SMR3B: variants seen among roughly 807,000 people sequenced by gnomAD.
SMR3B encodes the protein submaxillary gland androgen-regulated protein 3B.
For synonymous variants in SMR3B, 42 were observed against 36.1 expected (o/e 1.16, Z -0.59); for missense variants, 114 against 99.9 (o/e 1.14, Z -0.60).
intron 2 of SMR3B, 87 bp from the exon 3 acceptor site, chr4:70,389,576 A>G (rs1732723592): frequency 7.3e-7 from 1 of 1,375,106 alleles, no homozygotes; most frequent in South Asian, 1.3e-5. Flanking sequence ...GGGCCATCTC[A>G]GAGTTCTGCT....
intron 1 of SMR3B, 120 bp from the exon 2 acceptor site, chr4:70,384,377 T>G: frequency 6.7e-7 from 1 of 1,494,706 alleles, no homozygotes; most frequent in Non-Finnish European, 9.0e-7. Context: ...ATTAGGCAAA[T>G]TCCCTAAAAA....
chr4:70,383,498 A>AGGT (rs781011801), intron 1 of SMR3B, among the ~76,000 whole-genome samples: 44 of 152,108 alleles, frequency 2.9e-4, no homozygotes, highest in Non-Finnish European at 5.7e-4. Context: ...AAGTTCTTGA[A>AGGT]ACTTCATAAG....
intron 2 of SMR3B, among the ~76,000 whole-genome samples, chr4:70,387,122 G>T (rs559541118): frequency 7.7e-4 from 117 of 152,120 alleles, no homozygotes; most frequent in Non-Finnish European, 1.3e-3. Context: ...TCAAAGTTTC[G>T]CTTTGAAGGA....
Position 70,390,012 on chromosome 4 carries a change from C to A in SMR3B, c.*164C>A. The A allele has an allele frequency of 7.4e-7, 1 of 1,347,154 alleles. No homozygotes were observed. Among genetic ancestry groups the A allele is most frequent in the Non-Finnish European group, 1.1e-6 (1 of 938,492 alleles). 83.5% of individuals were successfully genotyped at this position (1,347,154 alleles called of 1,614,324 possible). ...ACAACTGCAGCAGGTGCCACCACCA[C>A]CACAAAAGACACCACTACCCTTGTA... On this transcript the variant is annotated 3_prime_UTR_variant, in exon 3 of 3. Transcript: ENST00000304915.
chr4:70,389,267 CT>C (rs550584751), intron 2 of SMR3B, among the ~76,000 whole-genome samples: 31 of 152,176 alleles, frequency 2.0e-4, no homozygotes, highest in Non-Finnish European at 3.7e-4. Flanking sequence ...GCTCAGTGTC[CT>C]TTTTTAAGCT....
intron 2 of SMR3B, among the ~76,000 whole-genome samples, chr4:70,388,283 T>TA (rs397937664): frequency 6.6e-6 from 1 of 151,976 alleles, no homozygotes; most frequent in Non-Finnish European, 1.5e-5. Context: ...ATTTTTTTTT[T>TA]ATTTTTTAAA....
chr4:70,383,800 G>A (rs1482408006), intron 1 of SMR3B, among the ~76,000 whole-genome samples: 1 of 152,062 alleles, frequency 6.6e-6, no homozygotes, highest in African/African-American at 2.4e-5. Flanking sequence ...CAAAAATCAA[G>A]CTATCATGTA....
intron 2 of SMR3B, among the ~76,000 whole-genome samples, chr4:70,388,087 C>T (rs556013748): frequency 6.6e-6 from 1 of 152,268 alleles, no homozygotes; most frequent in African/African-American, 2.4e-5. Flanking sequence ...TAGAGTGGAA[C>T]TTCATTCTTA....
intron 2 of SMR3B, among the ~76,000 whole-genome samples, chr4:70,385,526 C>G (rs1732646222): frequency 6.6e-6 from 1 of 151,730 alleles, no homozygotes; most frequent in Non-Finnish European, 1.5e-5. Context: ...GCCTCAGCCT[C>G]CGGTGTAGCT....
chr4:70,388,974 T>TA (rs558094178), intron 2 of SMR3B, among the ~76,000 whole-genome samples: 84 of 152,258 alleles, frequency 5.5e-4, no homozygotes, highest in African/African-American at 1.7e-3. Flanking sequence ...ATTATATATA[T>TA]TTTTTTAGTC....
intron 1 of SMR3B, among the ~76,000 whole-genome samples, chr4:70,384,235 T>C (rs1732615555): frequency 6.6e-6 from 1 of 152,148 alleles, no homozygotes; most frequent in Non-Finnish European, 1.5e-5. Flanking sequence ...CAGAGCAATG[T>C]ATGAACAACT....
chr4:70,383,293 C>G (rs915714546), intron 1 of SMR3B, 81 bp downstream of exon 1: 1 of 152,076 alleles, frequency 6.6e-6, no homozygotes, highest in African/African-American at 2.4e-5. Flanking sequence ...TCAACGATAA[C>G]ATTTTATGGG....
intron 2 of SMR3B, among the ~76,000 whole-genome samples, chr4:70,386,891 GCAGCACTTGGGT>G (rs1372039649): frequency 1.3e-5 from 2 of 152,152 alleles, no homozygotes; most frequent in Non-Finnish European, 2.9e-5. Flanking sequence ...CTTTGGCTTG[GCAGCACTTGGGT>G]CAAATGCCCT....
At position 70,384,582 on chromosome 4, in the gene SMR3B, C is replaced by T. The variant is rs760089834; in HGVS notation, c.54+18C>T. On this transcript the variant is annotated intron_variant, in intron 2 of 2. Transcript: ENST00000304915. ...GTTTCACAGTAAGTATCATTAATCA[C>T]GATCACACTTCTTTATAGTTTCTCA... is the stretch of plus-strand genomic sequence containing the variant. The T allele has an allele frequency of 5.7e-6, 9 of 1,586,464 alleles. No homozygotes were observed. In the African/African-American group the frequency reaches 8.2e-5, roughly 14 times the overall value.
chr4:70,384,278 TC>T, intron 1 of SMR3B, among the ~76,000 whole-genome samples: 1 of 152,260 alleles, frequency 6.6e-6, no homozygotes, highest in South Asian at 2.1e-4. Flanking sequence ...AGTTTACAAG[TC>T]AAAAATAAAA....
rs1732732603 is a variant in SMR3B, at chr4:70,389,868, A to C, written c.*20A>C. On this transcript the variant is annotated 3_prime_UTR_variant, in exon 3 of 3. Transcript: ENST00000304915. ...CCCTAAGGTCCACCACTCCATCCTG[A>C]TGCCCCAGGTTATCCACAGCCTCCT... 5 of 1,612,282 alleles carry C rather than the reference A, an allele frequency of 3.1e-6. No individual in the cohort carries two copies. The highest frequency in any genetic ancestry group is 4.2e-6 in the Non-Finnish European group (5 of 1,178,916).
Sources: gnomAD v4.1 joint callset for allele counts (sites outside exome capture counted in the v4.1 genomes callset) on GRCh38, gnomAD v4.1.1 for gene constraint, MANE v1.5 for transcripts, NCBI Gene and HGNC (gene_info 2026-07-23, HGNC 2026-07-21) for gene names.